Variants in MTHFD2L observed in about 807,000 individuals in gnomAD.
The protein encoded by MTHFD2L is bifunctional methylenetetrahydrofolate dehydrogenase/cyclohydrolase 2, mitochondrial.
In MTHFD2L, 29 loss-of-function variants were observed where a neutral mutation model predicts 34.9. That is an observed-to-expected ratio of 0.83 (90% CI 0.62 to 1.13). The LOEUF (loss-of-function observed/expected upper bound fraction) is 1.13, where lower values mean the gene tolerates loss of function less well. MTHFD2L is among the 50% of genes most tolerant of loss of function. The pLI is 0.00. For synonymous variants in MTHFD2L, 167 were observed against 155.7 expected (o/e 1.07, Z -0.54); for missense variants, 481 against 446.5 (o/e 1.08, Z -0.70).
chr4:74,150,737 A>G (rs1488109052), intron 1 of MTHFD2L, among the ~76,000 whole-genome samples: 1 of 152,314 alleles, frequency 6.6e-6, no homozygotes, highest in African/African-American at 2.4e-5. Context: ...ATTTAAATGT[A>G]AAAAGATACA....
At chr4:74,115,494 C>G (rs969712404) in intron 2 of MTHFD2L, among the ~76,000 whole-genome samples, 1 of 152,212 alleles carries the variant, frequency 6.6e-6, no homozygotes, top group Non-Finnish European at 1.5e-5. Context: ...TTTGTATGAA[C>G]AATGAGCACA....
At chr4:74,208,775 C>T (rs766617229) in intron 5 of MTHFD2L, among the ~76,000 whole-genome samples, 2 of 152,206 alleles carry the variant, frequency 1.3e-5, no homozygotes, top group African/African-American at 2.4e-5. Context: ...AACCCATTCT[C>T]TCAGAGCGCC....
chr4:74,259,701 A>T (rs1278314759), intron 6 of MTHFD2L, among the ~76,000 whole-genome samples: 5 of 152,228 alleles, frequency 3.3e-5, no homozygotes, highest in Non-Finnish European at 7.4e-5. Flanking sequence ...TAGTCCATGA[A>T]CGCAACAAGC....
intron 6 of MTHFD2L, among the ~76,000 whole-genome samples, chr4:74,271,397 A>G (rs1205926707): frequency 2.0e-5 from 3 of 152,212 alleles, no homozygotes; most frequent in Non-Finnish European, 4.4e-5. Flanking sequence ...ATGGCTAGCC[A>G]GTTTTCCCAG....
At chr4:74,230,091 T>A (rs1190402231) in intron 6 of MTHFD2L, among the ~76,000 whole-genome samples, 1 of 152,228 alleles carries the variant, frequency 6.6e-6, no homozygotes, top group Non-Finnish European at 1.5e-5. Context: ...GCCGATATAA[T>A]CTAATTTTTT....
intron 6 of MTHFD2L, among the ~76,000 whole-genome samples, chr4:74,254,122 G>A (rs1743679496): frequency 6.6e-6 from 1 of 152,130 alleles, no homozygotes; most frequent in Admixed American, 6.5e-5. Flanking sequence ...TGGGCAGAAA[G>A]CTTAATTAAA....
upstream of MTHFD2L, among the ~76,000 whole-genome samples, chr4:74,154,972 T>A (rs1318759016): frequency 6.6e-6 from 1 of 152,128 alleles, no homozygotes. Context: ...TCTAGCCTCC[T>A]CCCATTGCTT....
rs139663138 is a variant in MTHFD2L at position 74,158,732 on chromosome 4, T to C, written c.143+451T>C. On this transcript the variant is annotated intron_variant, in intron 1 of 7. Transcript: ENST00000325278. ...GTGTTGTCTAAGTCTTTTCCAACTC[T>C]AAAATTATTTATGGTTTCACAAAAC... Among the ~76,000 whole-genome samples, 199 of 152,334 alleles carry C rather than the reference T, an allele frequency of 1.3e-3. 1 individual carries two copies. Among genetic ancestry groups the C allele is most frequent in the African/African-American group, 4.5e-3 (189 of 41,588 alleles).
chr4:74,177,720 C>T (rs773089829), intron 3 of MTHFD2L, among the ~76,000 whole-genome samples: 2 of 151,656 alleles, frequency 1.3e-5, no homozygotes, highest in Non-Finnish European at 3.0e-5. Flanking sequence ...AATAGAATAC[C>T]GTATGATCAA....
chr4:74,228,428 T>C (rs1462919801), intron 6 of MTHFD2L, among the ~76,000 whole-genome samples: 2 of 152,236 alleles, frequency 1.3e-5, no homozygotes, highest in Admixed American at 6.5e-5. Context: ...GTTAACAGCT[T>C]GTACAGAATA....
chr4:74,174,762 GA>G, intron 2 of MTHFD2L, 72 bp downstream of exon 2: 2 of 1,041,192 alleles, frequency 1.9e-6, no homozygotes, highest in Non-Finnish European at 2.6e-6. Context: ...TGATAATTAT[GA>G]ATGATAATTA....
At chr4:74,135,314 G>A (rs1722828747) in intron 1 of MTHFD2L, among the ~76,000 whole-genome samples, 1 of 151,944 alleles carries the variant, frequency 6.6e-6, no homozygotes, top group East Asian at 1.9e-4. Flanking sequence ...GAACAAAAAT[G>A]GACACATGAC....
chr4:74,274,407 G>A (rs989633150), intron 6 of MTHFD2L, among the ~76,000 whole-genome samples: 12 of 152,074 alleles, frequency 7.9e-5, no homozygotes, highest in African/African-American at 2.9e-4. Flanking sequence ...TGTATAAGAG[G>A]TCAGACTCAA....
At chr4:74,211,827 G>A (rs1295071454) in intron 5 of MTHFD2L, among the ~76,000 whole-genome samples, 3 of 151,400 alleles carry the variant, frequency 2.0e-5, no homozygotes, top group Non-Finnish European at 4.4e-5. Context: ...TTTTTTTTTG[G>A]GTTGGTAGGC....
intron 1 of MTHFD2L, among the ~76,000 whole-genome samples, chr4:74,166,745 G>T (rs1726792498): frequency 6.6e-6 from 1 of 152,166 alleles, no homozygotes. Context: ...AAAGATTCCA[G>T]CTGAGCCTCT....
intron 6 of MTHFD2L, among the ~76,000 whole-genome samples, chr4:74,254,776 T>C (rs567616345): frequency 1.4e-4 from 22 of 152,164 alleles, no homozygotes; most frequent in African/African-American, 5.3e-4. Flanking sequence ...TGTAAATCAC[T>C]TTTAACTTTA....
At position 74,199,694 on chromosome 4, in the gene MTHFD2L, C is replaced by T. The variant is rs551004413; in HGVS notation, c.452-100C>T. 3.9e-5 allele frequency: 39 copies of T among 1,007,204 alleles called. No homozygotes were observed. The African/African-American group carries it at 4.4e-4, about 11-fold the overall frequency. 62.4% of individuals were successfully genotyped at this position (1,007,204 alleles called of 1,614,324 possible). A position where few individuals can be genotyped will look rare whatever the true frequency, so the allele number is the denominator to read the frequency against. On this transcript the variant is annotated intron_variant, in intron 3 of 7. Transcript: ENST00000325278. ...AATGACTTTACACCTTTTTTAGAGC[C>T]GAATTATAAGTGATGTGGCTTTAGA...
In MTHFD2L at chr4:74,220,422, T is replaced by A. The variant is rs149978907; in HGVS notation, c.713-4880T>A. Among the ~76,000 whole-genome samples, 669 of 152,130 alleles carry A rather than the reference T, an allele frequency of 4.4e-3. 6 individuals are homozygous for A. Among genetic ancestry groups the A allele is most frequent in the African/African-American group, 0.015 (603 of 41,552 alleles). On this transcript the variant is annotated intron_variant, in intron 5 of 7. Transcript: ENST00000325278. ...TCTTCCTTTTCAAAGTTTTCCTAAT[T>A]ATCTTTGATTTTTCTATATTAACCT...
At chr4:74,159,960 C>G (rs540087190) in intron 1 of MTHFD2L, 1 of 807,226 alleles carries the variant, frequency 1.2e-6, no homozygotes, top group Non-Finnish European at 1.6e-6. Context: ...GAGGTTGGCC[C>G]CAAGGTTGAG....
Sources: allele counts gnomAD v4.1 joint callset (sites outside exome capture counted in the v4.1 genomes callset), GRCh38; gene constraint gnomAD v4.1.1; transcripts MANE v1.5; gene names NCBI Gene and HGNC (gene_info 2026-07-23, HGNC 2026-07-21).